The following PTPRN2 variants were observed in gnomAD, a reference collection of about 807,000 sequenced individuals.
PTPRN2 encodes receptor-type tyrosine-protein phosphatase N2.
Under a neutral mutation model 118.8 loss-of-function variants are expected in PTPRN2, and 74 were observed. That is an observed-to-expected ratio of 0.62 (90% CI 0.52 to 0.76). The LOEUF (loss-of-function observed/expected upper bound fraction) is 0.76, where lower values mean the gene tolerates loss of function less well. PTPRN2 is among the 30% of genes least tolerant of loss of function. The pLI is 0.00. For synonymous variants in PTPRN2, 641 were observed against 608.0 expected, an observed-to-expected ratio of 1.05 and a Z score of -0.80; for missense variants, 1,481 against 1,394.4, an observed-to-expected ratio of 1.06 and a Z score of -0.99.
chr7:157,713,906 G>T (rs2109304), intron 12 of PTPRN2, among the ~76,000 whole-genome samples: 65,420 of 151,974 alleles, frequency 0.43, 14,337 homozygotes, highest in South Asian at 0.58. Flanking sequence ...AGCACGCCTC[G>T]CTCCCCTTCA....
In PTPRN2 at chr7:157,682,892, A is replaced by G. The variant is rs1304845374; in HGVS notation, c.1834T>C (p.Ser612Pro). The change falls in exon 13 of 23, where the codon TCC becomes CCC. Residue 612 changes from serine to proline, a missense_variant. Ser to Pro is a moderately conservative substitution (Grantham distance 74, BLOSUM62 -1). Around this residue, in one of 3 missense-constraint regions of PTPRN2, gnomAD observed 1,115 missense variants for 994.2 expected, o/e 1.12. Coordinates refer to ENST00000389418, the MANE Select transcript of PTPRN2 (RefSeq NM_002847.5). Reference protein sequence around the residue: ...FLPPQAEQEDSTKFIALTLVS... With the variant: ...FLPPQAEQEDPTKFIALTLVS... ...AGGGTGAGCGCGATGAACTTGGTGG[A>G]GTCTTCTTGCTCCGCCTGAGGAGGC... 4 of 1,613,882 alleles carry G rather than the reference A, an allele frequency of 2.5e-6. No individual in the cohort carries two copies. Among genetic ancestry groups the G allele is most frequent in the Admixed American group, 1.7e-5 (1 of 59,998 alleles).
intron 11 of PTPRN2, among the ~76,000 whole-genome samples, chr7:158,031,917 T>G (rs1030216689): frequency 6.6e-6 from 1 of 152,242 alleles, no homozygotes; most frequent in Non-Finnish European, 1.5e-5. Context: ...CAGCCGGCGC[T>G]CCGGGGGCCC....
At chr7:157,695,702 C>T (rs1419555328) in intron 12 of PTPRN2, among the ~76,000 whole-genome samples, 1 of 152,178 alleles carries the variant, frequency 6.6e-6, no homozygotes, top group African/African-American at 2.4e-5. Context: ...TATTAACCAC[C>T]AGTAGTTATT....
chr7:157,873,289 A>C (rs1225184745), intron 12 of PTPRN2, among the ~76,000 whole-genome samples: 1 of 152,250 alleles, frequency 6.6e-6, no homozygotes, highest in Non-Finnish European at 1.5e-5. Context: ...AATGTGCACC[A>C]GGAAAGAAAG....
chr7:158,341,372 C>G (rs1416686327), intron 2 of PTPRN2, among the ~76,000 whole-genome samples: 6 of 150,542 alleles, frequency 4.0e-5, no homozygotes, highest in African/African-American at 1.5e-4. Flanking sequence ...ATGCAGACGT[C>G]ACTCACACCC....
At chr7:157,902,082 G>C (rs998607067) in intron 11 of PTPRN2, among the ~76,000 whole-genome samples, 4 of 152,228 alleles carry the variant, frequency 2.6e-5, no homozygotes, top group Admixed American at 6.5e-5. Context: ...GTAGTGACTA[G>C]GCAACTCCCG....
At chr7:158,474,081 G>T (rs1278820053) in intron 2 of PTPRN2, among the ~76,000 whole-genome samples, 1 of 152,174 alleles carries the variant, frequency 6.6e-6, no homozygotes. Flanking sequence ...AAGCAAATGA[G>T]GTCAGCCCTG....
intron 13 of PTPRN2, among the ~76,000 whole-genome samples, chr7:157,675,799 G>A (rs1007975133): frequency 2.0e-5 from 3 of 152,188 alleles, no homozygotes; most frequent in African/African-American, 7.2e-5. Flanking sequence ...GGCGGCCCAA[G>A]AGGAGGCCCC....
rs115444050 is a variant in PTPRN2 at position 158,284,909 on chromosome 7, G to A, written c.277+31910C>T. Among the ~76,000 whole-genome samples, 847 of 152,290 alleles carry A rather than the reference G, an allele frequency of 5.6e-3. 5 individuals are homozygous for A. Among genetic ancestry groups the A allele is most frequent in the African/African-American group, 8.4e-3 (349 of 41,564 alleles). On this transcript the variant is annotated intron_variant, in intron 3 of 22. Transcript: ENST00000389418. ...ATGCCTGGCCTGGCTGGCACACGCC[G>A]CCTGCCTAGATTGCATAGGGTGAGC...
intron 12 of PTPRN2, among the ~76,000 whole-genome samples, chr7:157,791,338 A>G (rs1804476426): frequency 6.6e-6 from 1 of 152,256 alleles, no homozygotes; most frequent in African/African-American, 2.4e-5. Flanking sequence ...ACAGAACAGA[A>G]CAAAATTCAA....
At position 157,990,518 on chromosome 7, in the gene PTPRN2, G is replaced by A. The variant is rs1480929415; in HGVS notation, c.1723+90780C>T. 5.6e-5 allele frequency among the ~76,000 whole-genome samples: 8 copies of A among 143,274 alleles called. No individual in the cohort carries two copies. Among genetic ancestry groups the A allele is most frequent in the African/African-American group, 1.2e-4 (5 of 40,012 alleles). The allele number at this position is 143,274 out of a possible 152,430, so 94.0% of individuals were successfully genotyped here. On this transcript the variant is annotated intron_variant, in intron 11 of 22. Transcript: ENST00000389418. The surrounding 1 kb of genome is among the most constrained non-coding windows in gnomAD (Gnocchi z 4.3). ...CATGCCACCATGCCCAACGGTCCCC[G>A]CCCTGCACCCACCTCTGGCAAGTTC... is the stretch of plus-strand genomic sequence containing the variant.
chr7:158,232,661 T>C (rs1023286609), intron 3 of PTPRN2, among the ~76,000 whole-genome samples: 3 of 150,792 alleles, frequency 2.0e-5, no homozygotes, highest in African/African-American at 7.3e-5. Context: ...ACTATAGGCA[T>C]AGACACAAAA....
At position 157,861,321 on chromosome 7, in the gene PTPRN2, C is replaced by T. The variant is rs539926077; in HGVS notation, c.1788+37352G>A. Among the ~76,000 whole-genome samples, 6 of 152,334 alleles carry T rather than the reference C, an allele frequency of 3.9e-5. No individual in the cohort carries two copies. The East Asian group carries it at 9.6e-4, about 24-fold the overall frequency. ...GGAGGATGAGAGGCCTGGATTGCAC[C>T]GGAAGCACCTCCGGCTGGAGCTCGG... is the stretch of plus-strand genomic sequence containing the variant. On this transcript the variant is annotated intron_variant, in intron 12 of 22. Coordinates refer to ENST00000389418, the MANE Select transcript of PTPRN2 (RefSeq NM_002847.5). This position sits in a 1 kb window ranked among gnomAD's most constrained non-coding sequence, Gnocchi z 5.8.
At chr7:157,931,899 C>A (rs1479372407) in intron 11 of PTPRN2, among the ~76,000 whole-genome samples, 1 of 152,146 alleles carries the variant, frequency 6.6e-6, no homozygotes, top group Non-Finnish European at 1.5e-5. Context: ...TTGGTCATGG[C>A]TTTCTATTGT....
rs1302344883 is a variant in PTPRN2 at position 158,529,988 on chromosome 7, C to T, written c.113-40203G>A. The stretch of plus-strand genomic sequence containing the variant: ...GCATGCACGCCACACATGCCATACA[C>T]ACCACACGCATGCCACATGCACACC... On this transcript the variant is annotated intron_variant, in intron 1 of 22. Transcript: ENST00000389418. This position sits in a 1 kb window ranked among gnomAD's most constrained non-coding sequence, Gnocchi z 4.7. Among the ~76,000 whole-genome samples, 1 of 152,170 alleles carries T rather than the reference C, an allele frequency of 6.6e-6. No individual in the cohort carries two copies. Among genetic ancestry groups the T allele is most frequent in the Admixed American group, 6.5e-5 (1 of 15,288 alleles).
chr7:158,304,583 AC>A (rs35889359), intron 3 of PTPRN2, among the ~76,000 whole-genome samples: 1 of 152,096 alleles, frequency 6.6e-6, no homozygotes, highest in Non-Finnish European at 1.5e-5. Flanking sequence ...ACCCATCAAT[AC>A]CCTAAGATGT....
chr7:157,541,698 A>T (rs1257203319), intron 22 of PTPRN2, among the ~76,000 whole-genome samples: 2 of 152,248 alleles, frequency 1.3e-5, no homozygotes, highest in Non-Finnish European at 2.9e-5. Flanking sequence ...TCTGGAAGGA[A>T]AGCCCTGTTG....
chr7:157,929,319 G>A lies in PTPRN2; in HGVS notation c.1724-30582C>T, dbSNP rs943721049. ...ACTACCTTCAGCAACCCTGCCTTAC[G>A]GTGGGGATGCTGGACAGGCATTCAG... On this transcript the variant is annotated intron_variant, in intron 11 of 22. Coordinates refer to ENST00000389418, the MANE Select transcript of PTPRN2 (RefSeq NM_002847.5). The surrounding 1 kb of genome is among the most constrained non-coding windows in gnomAD (Gnocchi z 4.4). 2.6e-5 allele frequency among the ~76,000 whole-genome samples: 4 copies of A among 151,852 alleles called. No individual in the cohort carries two copies. The highest frequency in any genetic ancestry group is 2.0e-4 in the Admixed American group (3 of 15,276).
At chr7:158,269,828 A>G (rs968392580) in intron 3 of PTPRN2, among the ~76,000 whole-genome samples, 1 of 152,066 alleles carries the variant, frequency 6.6e-6, no homozygotes. Flanking sequence ...ATAGAAAGAG[A>G]CAGAGGGATA....
Sources: allele counts gnomAD v4.1 joint callset (sites outside exome capture counted in the v4.1 genomes callset), GRCh38; gene constraint gnomAD v4.1.1; regional missense constraint gnomAD v4.1.1; non-coding constraint Gnocchi (gnomAD v3.1); transcripts MANE v1.5; gene names NCBI Gene and HGNC (gene_info 2026-07-23, HGNC 2026-07-21).